The following RPTOR variants were observed in gnomAD, a reference collection of about 807,000 sequenced individuals.
RPTOR encodes the protein regulatory associated protein of MTOR complex 1.
RPTOR carries 21 observed loss-of-function variants against 169.9 expected under a neutral mutation model. That is an observed-to-expected ratio of 0.12 (90% CI 0.09 to 0.18). The LOEUF is 0.18. Among genes scored for constraint, RPTOR ranks in the 10% least tolerant of loss-of-function variants. The probability of loss-of-function intolerance (pLI) is 1.00; values close to 1 mark genes in which losing one functional copy is unlikely to be tolerated. For synonymous variants in RPTOR, 732 were observed against 753.2 expected (o/e 0.97, Z 0.46); for missense variants, 1,133 against 1,855.9 (o/e 0.61, Z 7.16).
chr17:80,902,454 A>G (rs1055940773), intron 20 of RPTOR, among the ~76,000 whole-genome samples: 11 of 152,230 alleles, frequency 7.2e-5, no homozygotes, highest in African/African-American at 2.7e-4. Flanking sequence ...CACCGCCAGG[A>G]TCCCCATGTA....
intron 28 of RPTOR, among the ~76,000 whole-genome samples, chr17:80,956,094 G>A (rs900077508): frequency 6.6e-6 from 1 of 152,206 alleles, no homozygotes; most frequent in Non-Finnish European, 1.5e-5. Flanking sequence ...TTACGTTGTT[G>A]ATGAGCGTGC....
intron 7 of RPTOR, among the ~76,000 whole-genome samples, chr17:80,798,534 A>G (rs1329712370): frequency 6.6e-6 from 1 of 152,008 alleles, no homozygotes; most frequent in Non-Finnish European, 1.5e-5. Flanking sequence ...CGGGGCTGAC[A>G]TTTGGAGGGT....
At chr17:80,884,610 C>G (rs1254701679) in intron 16 of RPTOR, among the ~76,000 whole-genome samples, 1 of 152,200 alleles carries the variant, frequency 6.6e-6, no homozygotes, top group African/African-American at 2.4e-5. Context: ...GTGCTCAGTG[C>G]ACTTCAGGGC....
intron 23 of RPTOR, among the ~76,000 whole-genome samples, chr17:80,924,988 C>T (rs6565495): frequency 0.89 from 134,875 of 152,068 alleles, 60,030 homozygotes; most frequent in African/African-American, 0.95. Context: ...TCTGGTGTCA[C>T]GGGGCCATCA....
At chr17:80,843,627 G>A in intron 10 of RPTOR, among the ~76,000 whole-genome samples, 1 of 152,124 alleles carries the variant, frequency 6.6e-6, no homozygotes, top group East Asian at 1.9e-4. Context: ...CAGAGGGGTA[G>A]AATGTCCCCT....
chr17:80,601,555 C>CTTCTTTTTTTTTT (rs1555594158), intron 1 of RPTOR, among the ~76,000 whole-genome samples: 3,239 of 17,798 alleles, frequency 0.18, 1,330 homozygotes, highest in Non-Finnish European at 0.23. Context: ...ATGGTTCAGT[C>CTTCTTTTTTTTTT]TTTTTTTTTT....
intron 1 of RPTOR, among the ~76,000 whole-genome samples, chr17:80,615,847 G>A (rs960009818): frequency 5.9e-5 from 9 of 152,046 alleles, no homozygotes; most frequent in African/African-American, 1.7e-4. Context: ...GGTTTATGCC[G>A]TGGCAGCTGC....
intron 1 of RPTOR, among the ~76,000 whole-genome samples, chr17:80,568,210 A>G (rs985242813): frequency 2.0e-5 from 3 of 152,172 alleles, no homozygotes; most frequent in Non-Finnish European, 4.4e-5. Flanking sequence ...CACCCAGCCC[A>G]CATATTTCTG....
chr17:80,597,327 G>C (rs977763387), intron 1 of RPTOR, among the ~76,000 whole-genome samples: 1 of 152,142 alleles, frequency 6.6e-6, no homozygotes, highest in African/African-American at 2.4e-5. Context: ...ACCGAGCATG[G>C]CTTTTTCATG....
At position 80,823,179 on chromosome 17, in the gene RPTOR, C is replaced by A. The variant is rs778648313; in HGVS notation, c.1092C>A (p.Pro364=). 6.2e-7 allele frequency: 1 copy of A among 1,614,038 alleles called. No individual in the cohort carries two copies. The highest frequency in any genetic ancestry group is 1.7e-5 in the Admixed American group (1 of 60,008). ...TTATGAGGTCGTATAACTGCACTCC[C>A]GTCAGCAGCCCGCGTCTGCCGCCCA... ...ERIMRSYNCT[P]VSSPRLPPTY... Residue 364 remains proline, a synonymous_variant, in exon 9 of 34, where the codon CCC becomes CCA. Transcript: ENST00000306801. This position sits in a 1 kb window ranked among gnomAD's most constrained non-coding sequence, Gnocchi z 4.5.
intron 21 of RPTOR, among the ~76,000 whole-genome samples, chr17:80,914,371 A>G (rs1052162898): frequency 6.6e-6 from 1 of 152,158 alleles, no homozygotes; most frequent in Non-Finnish European, 1.5e-5. Context: ...CCACCCTCCC[A>G]GGCACAGCTG....
At chr17:80,755,784 C>CTGTCTGGA (rs2066675118) in intron 6 of RPTOR, among the ~76,000 whole-genome samples, 1 of 150,740 alleles carries the variant, frequency 6.6e-6, no homozygotes, top group African/African-American at 2.4e-5. Context: ...GGGAGAGGAG[C>CTGTCTGGA]TGTCTGGAGG....
At chr17:80,847,909 CCA>C (rs2067750288) in intron 11 of RPTOR, among the ~76,000 whole-genome samples, 1 of 152,230 alleles carries the variant, frequency 6.6e-6, no homozygotes, top group South Asian at 2.1e-4. Context: ...AAAACCGGGG[CCA>C]GTTTATCTCT....
chr17:80,643,977 A>C (rs536823025), intron 3 of RPTOR, among the ~76,000 whole-genome samples, 167 bp downstream of exon 3: 3 of 152,240 alleles, frequency 2.0e-5, no homozygotes. Context: ...CCTGCTGGCT[A>C]TTGGTGGCTG....
chr17:80,700,644 T>TGGTGATGATGGTGAC (rs2066084023), intron 3 of RPTOR, among the ~76,000 whole-genome samples: 1 of 148,298 alleles, frequency 6.7e-6, no homozygotes, highest in African/African-American at 2.5e-5. Flanking sequence ...ATGATGGTGG[T>TGGTGATGATGGTGAC]GGTGATGGTA....
chr17:80,822,982 C>A, intron 8 of RPTOR, 97 bp from the exon 9 acceptor site: 1 of 1,401,754 alleles, frequency 7.1e-7, no homozygotes, highest in Non-Finnish European at 9.8e-7. Flanking sequence ...TTAGTCCCAA[C>A]TTTAGTAATT....
chr17:80,562,581 C>T lies in RPTOR; in HGVS notation c.162+16790C>T, dbSNP rs553658477. Among the ~76,000 whole-genome samples the T allele has an allele frequency of 2.6e-5, 4 of 152,234 alleles. No individual in the cohort carries two copies. Among genetic ancestry groups the T allele is most frequent in the African/African-American group, 4.8e-5 (2 of 41,554 alleles). On this transcript the variant is annotated intron_variant, in intron 1 of 33. Coordinates refer to ENST00000306801, the MANE Select transcript of RPTOR (RefSeq NM_020761.3). This position sits in a 1 kb window ranked among gnomAD's most constrained non-coding sequence, Gnocchi z 4.4. Reference sequence around the variant, plus strand: ...GACGGATCACTTGAAGTCAGGAGTTCGAGACCAGCCTGGCCAACATGGCGA... The same window carrying T: ...GACGGATCACTTGAAGTCAGGAGTTTGAGACCAGCCTGGCCAACATGGCGA...
intron 1 of RPTOR, among the ~76,000 whole-genome samples, chr17:80,625,011 T>C (rs1485676048): frequency 6.6e-6 from 1 of 152,148 alleles, no homozygotes; most frequent in Non-Finnish European, 1.5e-5. Context: ...GAAATTGATC[T>C]TTAAACTGAG....
chr17:80,720,968 C>T lies in RPTOR; in HGVS notation c.508-9592C>T, dbSNP rs1023534609. Among the ~76,000 whole-genome samples, 19 of 151,182 alleles carry T rather than the reference C, an allele frequency of 1.3e-4. 1 individual carries two copies. The highest frequency in any genetic ancestry group is 1.2e-3 in the Admixed American group (18 of 15,254). ...TGGGGTCACTCTGCTTCTTACGTGT[C>T]GGGAGAGACACTTCCCCGACCCCTT... On this transcript the variant is annotated intron_variant, in intron 4 of 33. Coordinates refer to ENST00000306801, the MANE Select transcript of RPTOR (RefSeq NM_020761.3).
Sources: gnomAD v4.1 joint callset for allele counts (sites outside exome capture counted in the v4.1 genomes callset) on GRCh38, gnomAD v4.1.1 for gene constraint, Gnocchi (gnomAD v3.1) non-coding constraint, MANE v1.5 for transcripts, NCBI Gene and HGNC (gene_info 2026-07-23, HGNC 2026-07-21) for gene names.